Variants in WWOX observed in about 807,000 individuals in gnomAD.
WWOX encodes WW domain-containing oxidoreductase.
A neutral mutation model predicts 46.2 loss-of-function variants in WWOX; 69 were observed. That is an observed-to-expected ratio of 1.49 (90% CI 1.23 to 1.82). The LOEUF (loss-of-function observed/expected upper bound fraction) is 1.82, where lower values mean the gene tolerates loss of function less well. Ranked by LOEUF, WWOX falls within the 40% of genes most tolerant of loss-of-function variation. The probability of loss-of-function intolerance (pLI) is 0.00; values close to 1 mark genes in which losing one functional copy is unlikely to be tolerated. For synonymous variants in WWOX, 359 were observed against 202.6 expected (o/e 1.77, Z -6.56); for missense variants, 919 against 542.6 (o/e 1.69, Z -6.89).
Position 78,820,346 on chromosome 16 carries a change from G to C in WWOX, c.1056+387594G>C, listed in dbSNP as rs2051460103. Among the ~76,000 whole-genome samples, 2 of 152,168 alleles carry C rather than the reference G, an allele frequency of 1.3e-5. 1 individual carries two copies. The highest frequency in any genetic ancestry group is 4.1e-4 in the South Asian group (2 of 4,826). On this transcript the variant is annotated intron_variant, in intron 8 of 8. Transcript: ENST00000566780. The stretch of plus-strand genomic sequence containing the variant: ...TGCATGCCCTCCAACAGTGGAAGTG[G>C]TGCCCTGAATACGCCAGAAATAATC...
At chr16:78,544,982 G>A (rs1263710599) in intron 8 of WWOX, among the ~76,000 whole-genome samples, 4 of 152,120 alleles carry the variant, frequency 2.6e-5, no homozygotes, top group Non-Finnish European at 1.5e-5. Flanking sequence ...TTAAAGACCA[G>A]CCTGGGCACA....
At chr16:78,556,928 A>T (rs867403276) in intron 8 of WWOX, among the ~76,000 whole-genome samples, 1 of 152,128 alleles carries the variant, frequency 6.6e-6, no homozygotes, top group East Asian at 1.9e-4. Context: ...CATATTGGTC[A>T]GGCTGGTCTT....
At chr16:79,000,462 G>A (rs1301964238) in intron 8 of WWOX, among the ~76,000 whole-genome samples, 2 of 152,190 alleles carry the variant, frequency 1.3e-5, no homozygotes, top group Non-Finnish European at 2.9e-5. Flanking sequence ...TCGAATCAGA[G>A]ATGGGGAAAA....
intron 6 of WWOX, among the ~76,000 whole-genome samples, chr16:78,397,785 A>G (rs2151941916): frequency 6.6e-6 from 1 of 152,252 alleles, no homozygotes; most frequent in Middle Eastern, 3.4e-3. Flanking sequence ...TCAACCTCCC[A>G]AACTGCTGGG....
intron 8 of WWOX, among the ~76,000 whole-genome samples, chr16:78,807,638 A>C (rs1296028917): frequency 6.6e-6 from 1 of 152,200 alleles, no homozygotes; most frequent in Non-Finnish European, 1.5e-5. Context: ...TTATGGAAAG[A>C]AATATTCTCT....
chr16:78,831,297 C>CT (rs2051816067), intron 8 of WWOX, among the ~76,000 whole-genome samples: 1 of 152,200 alleles, frequency 6.6e-6, no homozygotes, highest in Middle Eastern at 3.2e-3. Flanking sequence ...CTTTAGGCTC[C>CT]TGGAGGATTG....
Position 78,328,548 on chromosome 16 carries a change from C to A in WWOX, c.517-58312C>A, listed in dbSNP as rs921765823. 2.0e-5 allele frequency among the ~76,000 whole-genome samples: 3 copies of A among 152,258 alleles called. No homozygotes were observed. In the South Asian group the frequency reaches 6.2e-4, roughly 32 times the overall value. Reference sequence around the variant, plus strand: ...TGCTGCAAAGGGTTAGTACTTTATTCTTGCAACAAGTATTTATTGTAGGCC... The same window carrying A: ...TGCTGCAAAGGGTTAGTACTTTATTATTGCAACAAGTATTTATTGTAGGCC... On this transcript the variant is annotated intron_variant, in intron 5 of 8. Coordinates refer to ENST00000566780, the MANE Select transcript of WWOX (RefSeq NM_016373.4).
At chr16:79,088,162 T>G (rs1351014152) in intron 8 of WWOX, among the ~76,000 whole-genome samples, 7 of 152,174 alleles carry the variant, frequency 4.6e-5, no homozygotes, top group Non-Finnish European at 8.8e-5. Flanking sequence ...CCCCAGGCCA[T>G]GCCACTGGGC....
At chr16:79,096,818 A>C (rs146437529) in intron 8 of WWOX, among the ~76,000 whole-genome samples, 1 of 152,242 alleles carries the variant, frequency 6.6e-6, no homozygotes, top group African/African-American at 2.4e-5. Flanking sequence ...CTTAATACAG[A>C]AATTGACTCT....
chr16:78,249,874 G>T (rs1030983627), intron 5 of WWOX, among the ~76,000 whole-genome samples: 1 of 152,104 alleles, frequency 6.6e-6, no homozygotes, highest in Non-Finnish European at 1.5e-5. Context: ...GGGAGAAGGG[G>T]CACCAGAAGG....
intron 8 of WWOX, among the ~76,000 whole-genome samples, chr16:79,057,644 G>T (rs1451225986): frequency 6.6e-6 from 1 of 152,098 alleles, no homozygotes; most frequent in Non-Finnish European, 1.5e-5. Flanking sequence ...TTGTCTCAAG[G>T]TCCTGATAAA....
At chr16:78,164,109 C>G (rs530659789) in intron 4 of WWOX, 74 bp from the exon 5 acceptor site, 1 of 1,365,104 alleles carries the variant, frequency 7.3e-7, no homozygotes, top group Admixed American at 1.9e-5. Flanking sequence ...AGTGGTGCTC[C>G]GGTAAAGGCC....
At chr16:79,040,358 T>C (rs1480174541) in intron 8 of WWOX, among the ~76,000 whole-genome samples, 1 of 147,346 alleles carries the variant, frequency 6.8e-6, no homozygotes, top group African/African-American at 2.5e-5. Context: ...CACTGCCACC[T>C]CTGCCTCCCA....
chr16:78,335,136 A>C (rs552987977), intron 5 of WWOX, among the ~76,000 whole-genome samples: 8 of 152,270 alleles, frequency 5.3e-5, no homozygotes, highest in Non-Finnish European at 8.8e-5. Flanking sequence ...TATTTTTTCT[A>C]AAACTTTAAG....
intron 8 of WWOX, among the ~76,000 whole-genome samples, chr16:78,595,938 A>C (rs544697206): frequency 5.6e-4 from 85 of 152,324 alleles, no homozygotes; most frequent in Non-Finnish European, 1.0e-3. Flanking sequence ...ACTAAAAAGA[A>C]ACCTGAACTC....
intron 8 of WWOX, among the ~76,000 whole-genome samples, chr16:78,978,294 C>T (rs1432303840): frequency 2.0e-5 from 3 of 152,194 alleles, no homozygotes; most frequent in East Asian, 1.9e-4. Context: ...ATCCATGCTG[C>T]TGTGAATAAT....
intron 8 of WWOX, among the ~76,000 whole-genome samples, chr16:78,680,550 A>T (rs1373541514): frequency 6.6e-6 from 1 of 152,144 alleles, no homozygotes; most frequent in Non-Finnish European, 1.5e-5. Context: ...ACAAAAAGCC[A>T]TGTAGAGCTG....
intron 8 of WWOX, among the ~76,000 whole-genome samples, chr16:78,948,512 C>T (rs1233696042): frequency 6.6e-6 from 1 of 152,150 alleles, no homozygotes; most frequent in African/African-American, 2.4e-5. Context: ...AGGCACCAGA[C>T]CCCAAGACAG....
At chr16:78,342,115 C>G (rs1270674558) in intron 5 of WWOX, among the ~76,000 whole-genome samples, 3 of 120,684 alleles carry the variant, frequency 2.5e-5, no homozygotes, top group African/African-American at 8.4e-5. Context: ...GACTATGTCT[C>G]AAGAAAATGT....
Sources: gnomAD v4.1 joint callset for allele counts (sites outside exome capture counted in the v4.1 genomes callset) on GRCh38, gnomAD v4.1.1 for gene constraint, MANE v1.5 for transcripts, NCBI Gene and HGNC (gene_info 2026-07-23, HGNC 2026-07-21) for gene names.